The following RAVER2 variants were observed in gnomAD, a reference collection of about 807,000 sequenced individuals.
RAVER2 encodes ribonucleoprotein, PTB binding 2.
A neutral mutation model predicts 78.1 loss-of-function variants in RAVER2; 46 were observed. That is an observed-to-expected ratio of 0.59 (90% CI 0.46 to 0.75). The LOEUF is 0.75. RAVER2 is among the 30% of genes least tolerant of loss of function. The pLI is 0.00. For synonymous variants in RAVER2, 311 were observed against 313.3 expected, an observed-to-expected ratio of 0.99 and a Z score of 0.08; for missense variants, 793 against 837.5, an observed-to-expected ratio of 0.95 and a Z score of 0.66.
chr1:64,814,564 T>G, intron 10 of RAVER2, 140 bp from the exon 11 acceptor site: 1 of 449,506 alleles, frequency 2.2e-6, no homozygotes, highest in Non-Finnish European at 3.1e-6. Flanking sequence ...TTTGATAATG[T>G]GCTGAGTTAC....
chr1:64,790,732 A>G (rs1441514843), intron 5 of RAVER2, among the ~76,000 whole-genome samples: 1 of 152,238 alleles, frequency 6.6e-6, no homozygotes, highest in East Asian at 1.9e-4. Context: ...TCGCTCGCTG[A>G]TAAGGGGGAA....
intron 5 of RAVER2, among the ~76,000 whole-genome samples, chr1:64,796,137 T>G (rs1653089995): frequency 6.6e-6 from 1 of 152,008 alleles, no homozygotes; most frequent in South Asian, 2.1e-4. Flanking sequence ...TAAACCTCAC[T>G]TAGTCATGTT....
intron 6 of RAVER2, among the ~76,000 whole-genome samples, chr1:64,804,196 G>C (rs1053981334): frequency 6.6e-6 from 1 of 152,094 alleles, no homozygotes; most frequent in African/African-American, 2.4e-5. Context: ...ACAATAATTA[G>C]TTCCTCCAAG....
At chr1:64,831,976 A>G (rs1654151253) in exon 12 of RAVER2, 1 of 152,218 alleles carries the variant, frequency 6.6e-6, no homozygotes, top group Admixed American at 6.5e-5. Context: ...GGCCATTTAT[A>G]TATAGTTTGC....
At chr1:64,759,842 A>G (rs1351211248) in intron 1 of RAVER2, among the ~76,000 whole-genome samples, 1 of 152,124 alleles carries the variant, frequency 6.6e-6, no homozygotes, top group African/African-American at 2.4e-5. Flanking sequence ...GAGCACTCTA[A>G]ACATATTGGT....
chr1:64,809,859 G>T (rs1485399965), intron 9 of RAVER2, among the ~76,000 whole-genome samples: 1 of 152,148 alleles, frequency 6.6e-6, no homozygotes, highest in Non-Finnish European at 1.5e-5. Context: ...TTGTCCTTCT[G>T]TGTGTAGCTT....
At chr1:64,782,145 C>T (rs1205161921) in intron 4 of RAVER2, among the ~76,000 whole-genome samples, 2 of 152,188 alleles carry the variant, frequency 1.3e-5, no homozygotes, top group African/African-American at 4.8e-5. Flanking sequence ...CTCAGGTGAT[C>T]TGCCCGCCTC....
At chr1:64,784,634 T>C (rs1652729901) in intron 4 of RAVER2, among the ~76,000 whole-genome samples, 1 of 152,164 alleles carries the variant, frequency 6.6e-6, no homozygotes, top group Non-Finnish European at 1.5e-5. Context: ...TCTTAGACAT[T>C]CCCACTTCAT....
At chr1:64,816,919 T>G (rs1323445016) in intron 11 of RAVER2, among the ~76,000 whole-genome samples, 1 of 152,122 alleles carries the variant, frequency 6.6e-6, no homozygotes, top group Non-Finnish European at 1.5e-5. Context: ...CTAATTAAAC[T>G]AAAGAGCTTC....
intron 5 of RAVER2, among the ~76,000 whole-genome samples, chr1:64,794,278 G>A (rs532188305): frequency 7.9e-5 from 12 of 151,770 alleles, no homozygotes; most frequent in African/African-American, 2.7e-4. Flanking sequence ...GGCGCCTGTA[G>A]TCCCAGCTAC....
At chr1:64,795,344 A>G (rs1034371334) in intron 5 of RAVER2, among the ~76,000 whole-genome samples, 6 of 152,132 alleles carry the variant, frequency 3.9e-5, no homozygotes, top group Non-Finnish European at 2.9e-5. Context: ...GCCAATTTCT[A>G]TGAAAAATGT....
intron 1 of RAVER2, among the ~76,000 whole-genome samples, chr1:64,751,316 C>T (rs1557579815): frequency 6.6e-6 from 1 of 152,190 alleles, no homozygotes; most frequent in Non-Finnish European, 1.5e-5. Context: ...TAACAAAGCT[C>T]CAGCTTTGTG....
At chr1:64,789,429 A>G in exon 5 of RAVER2, 1 of 1,610,090 alleles carries the variant, frequency 6.2e-7, no homozygotes, top group African/African-American at 1.3e-5. Flanking sequence ...AGCCAAATCC[A>G]GTACAAATTA....
At chr1:64,793,287 T>A (rs969199794) in intron 5 of RAVER2, among the ~76,000 whole-genome samples, 8 of 152,214 alleles carry the variant, frequency 5.3e-5, no homozygotes, top group African/African-American at 1.2e-4. Flanking sequence ...CTGACATATA[T>A]TATACAGGTA....
intron 4 of RAVER2, 140 bp downstream of exon 4, chr1:64,781,711 T>C (rs2478151): frequency 0.25 from 215,454 of 877,790 alleles, 29,546 homozygotes; most frequent in African/African-American, 0.47. Flanking sequence ...CTTTTCCTTT[T>C]TTTTAAAAAA....
intron 4 of RAVER2, among the ~76,000 whole-genome samples, chr1:64,783,095 G>A (rs906205857): frequency 6.6e-6 from 1 of 152,182 alleles, no homozygotes; most frequent in Non-Finnish European, 1.5e-5. Flanking sequence ...ATTCCATGGT[G>A]TATATGTGCC....
intron 4 of RAVER2, among the ~76,000 whole-genome samples, chr1:64,788,685 G>A (rs888155068): frequency 1.0e-4 from 15 of 149,724 alleles, no homozygotes; most frequent in African/African-American, 3.4e-4. Context: ...CCAGCTGCTC[G>A]GGTGGCTGAG....
chr1:64,763,917 T>TAAAC lies in RAVER2; in HGVS notation c.250-4738_250-4737insAACA, dbSNP rs1652096448. 2.2e-5 allele frequency among the ~76,000 whole-genome samples: 3 copies of TAAAC among 133,810 alleles called. No individual in the cohort carries two copies. In the South Asian group the frequency reaches 7.5e-4, roughly 33 times the overall value. 87.8% of individuals were successfully genotyped at this position (133,810 alleles called of 152,430 possible). ...AAACTCCATCTCAAAAAAACAAAAATACACACACACACACACACACACACA... is the reference window on the plus strand; with the variant it reads ...AAACTCCATCTCAAAAAAACAAAAATAAACACACACACACACACACACACACACA... On this transcript the variant is annotated intron_variant, in intron 1 of 11. Transcript: ENST00000294428.
chr1:64,820,316 C>A (rs192584703), intron 11 of RAVER2, among the ~76,000 whole-genome samples: 1 of 152,100 alleles, frequency 6.6e-6, no homozygotes, highest in East Asian at 1.9e-4. Flanking sequence ...AAACAAATAT[C>A]CGAATGGTAA....
Sources: gnomAD v4.1 joint callset for allele counts (sites outside exome capture counted in the v4.1 genomes callset) on GRCh38, gnomAD v4.1.1 for gene constraint, MANE v1.5 for transcripts, NCBI Gene and HGNC (gene_info 2026-07-23, HGNC 2026-07-21) for gene names.